The following ATP8B4 variants were observed in gnomAD, a reference collection of about 807,000 sequenced individuals.
ATP8B4 encodes ATPase phospholipid transporting 8B4 (putative).
Under a neutral mutation model 145.6 loss-of-function variants are expected in ATP8B4, and 133 were observed. That is an observed-to-expected ratio of 0.91 (90% CI 0.79 to 1.05). The LOEUF (loss-of-function observed/expected upper bound fraction) is 1.05, where lower values mean the gene tolerates loss of function less well. Among genes scored for constraint, ATP8B4 ranks in the 50% least tolerant of loss-of-function variants. ATP8B4 has a pLI of 0.00. For missense variants in ATP8B4, 1,458 were observed against 1,425.2 expected (o/e 1.02, Z -0.37); for synonymous variants, 507 against 492.9 (o/e 1.03, Z -0.38).
intron 1 of ATP8B4, among the ~76,000 whole-genome samples, chr15:50,130,553 G>A (rs2057338825): frequency 1.3e-5 from 2 of 151,940 alleles, no homozygotes; most frequent in South Asian, 4.2e-4. Context: ...GAGGCGAGCG[G>A]ATCACAAGGT....
At chr15:50,101,808 T>C (rs2056370206) in intron 2 of ATP8B4, among the ~76,000 whole-genome samples, 1 of 152,086 alleles carries the variant, frequency 6.6e-6, no homozygotes, top group Non-Finnish European at 1.5e-5. Flanking sequence ...CATCAGCACA[T>C]GGAATATTCT....
At chr15:50,036,500 G>C (rs2153598553) in intron 6 of ATP8B4, among the ~76,000 whole-genome samples, 1 of 152,280 alleles carries the variant, frequency 6.6e-6, no homozygotes, top group Non-Finnish European at 1.5e-5. Context: ...AACCCCAACA[G>C]CATCCTCCAT....
At chr15:49,882,364 A>C (rs953939219) in intron 23 of ATP8B4, among the ~76,000 whole-genome samples, 2 of 152,168 alleles carry the variant, frequency 1.3e-5, no homozygotes, top group Non-Finnish European at 2.9e-5. Flanking sequence ...CTGATGAGTG[A>C]ATGTGTCCAA....
chr15:49,929,655 T>C (rs1175336238), intron 16 of ATP8B4, among the ~76,000 whole-genome samples: 1 of 151,850 alleles, frequency 6.6e-6, no homozygotes, highest in Non-Finnish European at 1.5e-5. Context: ...AGGACATCAA[T>C]ATTGAAGAAT....
intron 3 of ATP8B4, among the ~76,000 whole-genome samples, chr15:50,071,266 ATTG>A (rs1194863103): frequency 1.3e-5 from 2 of 152,208 alleles, no homozygotes; most frequent in Non-Finnish European, 2.9e-5. Context: ...GCAATGGCAA[ATTG>A]TTAACATCTA....
At chr15:50,093,849 T>C (rs1253552114) in intron 2 of ATP8B4, among the ~76,000 whole-genome samples, 1 of 152,170 alleles carries the variant, frequency 6.6e-6, no homozygotes, top group Admixed American at 6.5e-5. Flanking sequence ...CATACTCATA[T>C]CAGATAAATT....
rs370138549 is a variant in ATP8B4 at position 50,091,154 on chromosome 15, T to C, written c.28+15785A>G. On this transcript the variant is annotated intron_variant, in intron 2 of 27. Transcript: ENST00000284509. ...TTTAAAAATTATAATTATTTTTATA[T>C]TGGGAAGTTCTGTTTGGACAAATTG... Among the ~76,000 whole-genome samples, 6 of 152,264 alleles carry C rather than the reference T, an allele frequency of 3.9e-5. No homozygotes were observed. The South Asian group carries it at 6.2e-4, about 16-fold the overall frequency.
intron 1 of ATP8B4, among the ~76,000 whole-genome samples, chr15:50,161,806 G>A (rs946791928): frequency 5.3e-5 from 8 of 151,046 alleles, no homozygotes; most frequent in South Asian, 2.1e-4. Flanking sequence ...CACAATTATA[G>A]TGTTGTAATA....
chr15:49,891,440 C>T (rs920465863), intron 23 of ATP8B4, among the ~76,000 whole-genome samples: 1 of 152,114 alleles, frequency 6.6e-6, no homozygotes, highest in Non-Finnish European at 1.5e-5. Flanking sequence ...ATTCTCCTAC[C>T]TCAGCCTCCT....
chr15:49,977,327 A>T (rs887856741), intron 12 of ATP8B4, among the ~76,000 whole-genome samples: 3 of 152,060 alleles, frequency 2.0e-5, no homozygotes, highest in African/African-American at 7.2e-5. Context: ...CCCTCGAGTT[A>T]AGATCAGAAT....
At chr15:50,092,715 A>G (rs2055691602) in intron 2 of ATP8B4, among the ~76,000 whole-genome samples, 1 of 152,012 alleles carries the variant, frequency 6.6e-6, no homozygotes. Context: ...GCATAAAAAG[A>G]TAAGATATAT....
At chr15:50,036,726 G>A (rs1219907891) in intron 6 of ATP8B4, among the ~76,000 whole-genome samples, 1 of 152,130 alleles carries the variant, frequency 6.6e-6, no homozygotes, top group African/African-American at 2.4e-5. Flanking sequence ...AGGCTCAAGG[G>A]ACACAAACAC....
chr15:50,044,770 A>G, intron 4 of ATP8B4, 78 bp from the exon 5 acceptor site: 1 of 984,408 alleles, frequency 1.0e-6, no homozygotes, highest in Non-Finnish European at 1.6e-6. Flanking sequence ...TTTAATTTCA[A>G]ATTAATGGGG....
At chr15:49,920,023 G>A (rs1332215394) in intron 18 of ATP8B4, among the ~76,000 whole-genome samples, 1 of 152,174 alleles carries the variant, frequency 6.6e-6, no homozygotes, top group East Asian at 1.9e-4. Flanking sequence ...CTCTTGGGAA[G>A]CTTCCAATTG....
intron 6 of ATP8B4, among the ~76,000 whole-genome samples, chr15:50,033,992 TTTGCTA>T (rs1357868013): frequency 6.6e-6 from 1 of 152,222 alleles, no homozygotes; most frequent in Non-Finnish European, 1.5e-5. Context: ...ATTCCATGTC[TTTGCTA>T]TTGTGAACAG....
chr15:50,087,673 T>C (rs763607196), intron 2 of ATP8B4, among the ~76,000 whole-genome samples: 26 of 152,114 alleles, frequency 1.7e-4, no homozygotes, highest in Non-Finnish European at 3.7e-4. Context: ...ACAGTTCATA[T>C]ATGAAAGAAA....
chr15:49,879,237 T>A, intron 24 of ATP8B4, 139 bp downstream of exon 24: 3 of 710,242 alleles, frequency 4.2e-6, no homozygotes, highest in Non-Finnish European at 7.1e-6. Flanking sequence ...CCTGGAAGCA[T>A]GTGTGATCCA....
chr15:50,125,563 T>C (rs557218066), intron 1 of ATP8B4, among the ~76,000 whole-genome samples: 1 of 152,294 alleles, frequency 6.6e-6, no homozygotes, highest in African/African-American at 2.4e-5. Flanking sequence ...ACCTGGTCTC[T>C]GTGAGAACAG....
intron 12 of ATP8B4, among the ~76,000 whole-genome samples, chr15:49,976,322 C>T (rs2045658847): frequency 1.5e-5 from 2 of 136,830 alleles, no homozygotes; most frequent in South Asian, 5.4e-4. Context: ...ACTCTTTTCA[C>T]TCAAAAAGCA....
Sources: allele counts gnomAD v4.1 joint callset (sites outside exome capture counted in the v4.1 genomes callset), GRCh38; gene constraint gnomAD v4.1.1; transcripts MANE v1.5; gene names NCBI Gene and HGNC (gene_info 2026-07-23, HGNC 2026-07-21).